Variants in STN1 observed in about 807,000 individuals in gnomAD.
The protein encoded by STN1 is CST complex subunit STN1.
Under a neutral mutation model 45.5 loss-of-function variants are expected in STN1, and 29 were observed. The ratio of observed to expected loss-of-function variants is 0.64; its 90% CI spans 0.47 to 0.87. STN1 has a LOEUF of 0.87. Ranked by LOEUF, STN1 falls within the 40% of genes least tolerant of loss-of-function variation. The probability of loss-of-function intolerance (pLI) is 0.00; values close to 1 mark genes in which losing one functional copy is unlikely to be tolerated. For missense variants in STN1, 376 were observed against 441.4 expected, an observed-to-expected ratio of 0.85 and a Z score of 1.33; for synonymous variants, 148 against 159.0, an observed-to-expected ratio of 0.93 and a Z score of 0.52.
intron 3 of STN1, among the ~76,000 whole-genome samples, chr10:103,905,413 A>T (rs1843234418): frequency 6.6e-6 from 1 of 152,232 alleles, no homozygotes; most frequent in African/African-American, 2.4e-5. Context: ...ACCTCAAGGT[A>T]CTAACGATTA....
chr10:103,881,457 C>T lies in STN1; in HGVS notation c.*1227G>A, dbSNP rs1843068200. On this transcript the variant is annotated 3_prime_UTR_variant, in exon 10 of 10. Coordinates refer to ENST00000224950, the MANE Select transcript of STN1 (RefSeq NM_024928.5). Reference sequence around the variant, plus strand: ...AGATGCAGGGCAGCCACTACATAATCACTGTTAGAAATCAGCAAAGGTTTG... The same window carrying T: ...AGATGCAGGGCAGCCACTACATAATTACTGTTAGAAATCAGCAAAGGTTTG... Among the ~76,000 whole-genome samples, 1 of 152,232 alleles carries T rather than the reference C, an allele frequency of 6.6e-6. No individual in the cohort carries two copies.
At chr10:103,883,121 G>C (rs1322224053) in intron 9 of STN1, among the ~76,000 whole-genome samples, 2 of 152,194 alleles carry the variant, frequency 1.3e-5, no homozygotes, top group African/African-American at 4.8e-5. Context: ...CTGTAACCTA[G>C]TGGATTTTTA....
At chr10:103,916,320 G>T (rs536299696) in intron 2 of STN1, among the ~76,000 whole-genome samples, 1 of 152,154 alleles carries the variant, frequency 6.6e-6, no homozygotes, top group Non-Finnish European at 1.5e-5. Flanking sequence ...CTAGAATTTG[G>T]TGTGAATTAA....
chr10:103,878,481 A>G lies in STN1; in HGVS notation c.*4203T>C, dbSNP rs1843045149. On this transcript the variant is annotated 3_prime_UTR_variant, in exon 10 of 10. Coordinates refer to ENST00000224950, the MANE Select transcript of STN1 (RefSeq NM_024928.5). ...GGGGTGGGGAGTGGGAAATAGCTTTATAATTTTTGTAGAAATTATATAAGG... is the reference window on the plus strand; with the variant it reads ...GGGGTGGGGAGTGGGAAATAGCTTTGTAATTTTTGTAGAAATTATATAAGG... 1 of 152,218 alleles carries G rather than the reference A, an allele frequency of 6.6e-6. No homozygotes were observed. Among genetic ancestry groups the G allele is most frequent in the African/African-American group, 2.4e-5 (1 of 41,454 alleles). The allele number at this position is 152,218 out of a possible 1,614,324, so 9.4% of individuals were successfully genotyped here. A position where few individuals can be genotyped will look rare whatever the true frequency, so the allele number is the denominator to read the frequency against.
At chr10:103,896,455 A>C (rs1275998402) in intron 7 of STN1, among the ~76,000 whole-genome samples, 1 of 152,222 alleles carries the variant, frequency 6.6e-6, no homozygotes, top group African/African-American at 2.4e-5. Context: ...TAAAGAAAGT[A>C]AATAAATGAG....
rs1017158857 is a variant in STN1, at chr10:103,882,008, C to A, written c.*676G>T. On this transcript the variant is annotated 3_prime_UTR_variant, in exon 10 of 10. Coordinates refer to ENST00000224950, the MANE Select transcript of STN1 (RefSeq NM_024928.5). ...ATTTAGTCATGCACCTCTGTAAGTG[C>A]AGGGAAATGTACTGGGACACCTTTC... is the stretch of plus-strand genomic sequence containing the variant. Among the ~76,000 whole-genome samples, 2 of 152,206 alleles carry A rather than the reference C, an allele frequency of 1.3e-5. No individual in the cohort carries two copies. Among genetic ancestry groups the A allele is most frequent in the African/African-American group, 4.8e-5 (2 of 41,446 alleles).
At chr10:103,910,498 A>C (rs747276284) in intron 3 of STN1, 29 bp downstream of exon 3, 2 of 1,466,112 alleles carry the variant, frequency 1.4e-6, no homozygotes, top group South Asian at 1.1e-5. Context: ...CTTCTACATC[A>C]ACTTCATTTC....
chr10:103,904,917 T>A (rs193190237), intron 4 of STN1, among the ~76,000 whole-genome samples, 174 bp downstream of exon 4: 1 of 152,330 alleles, frequency 6.6e-6, no homozygotes, highest in East Asian at 1.9e-4. Context: ...CTGGCTCTCC[T>A]ATGGCATCAG....
chr10:103,897,911 T>C (rs555177870), intron 6 of STN1, among the ~76,000 whole-genome samples, 192 bp from the exon 7 acceptor site: 1 of 152,220 alleles, frequency 6.6e-6, no homozygotes, highest in Middle Eastern at 3.4e-3. Context: ...GGAACTAAGA[T>C]ATTCATGACA....
At chr10:103,897,018 A>G (rs1357146134) in intron 7 of STN1, among the ~76,000 whole-genome samples, 1 of 152,178 alleles carries the variant, frequency 6.6e-6, no homozygotes, top group African/African-American at 2.4e-5. Flanking sequence ...TTCATCAGCA[A>G]AATGATTCGC....
At chr10:103,909,592 CATGTT>C (rs1283611576) in intron 3 of STN1, among the ~76,000 whole-genome samples, 1 of 149,022 alleles carries the variant, frequency 6.7e-6, no homozygotes, top group Non-Finnish European at 1.5e-5. Flanking sequence ...TTATTTTTCA[CATGTT>C]ATTTTATTAA....
intron 3 of STN1, 55 bp from the exon 4 acceptor site, chr10:103,905,211 A>G: frequency 6.9e-7 from 1 of 1,454,760 alleles, no homozygotes; most frequent in Non-Finnish European, 9.7e-7. Flanking sequence ...CTGGTGAATT[A>G]GCATGCTGTC....
rs1451413793 is a variant in STN1 at position 103,901,857 on chromosome 10, C to G, written c.296-1634G>C. Among the ~76,000 whole-genome samples the G allele has an allele frequency of 7.9e-5, 12 of 152,262 alleles. No individual in the cohort carries two copies. The East Asian group carries it at 2.3e-3, about 29-fold the overall frequency. On this transcript the variant is annotated intron_variant, in intron 4 of 9. Coordinates refer to ENST00000224950, the MANE Select transcript of STN1 (RefSeq NM_024928.5). ...TTGCCAGAAAAAAATGATCAAATCT[C>G]TCTGTTTTTAGACAACATTGTCAGT...
chr10:103,892,143 T>A lies in STN1; in HGVS notation c.863A>T (p.Asp288Val). The change falls in exon 8 of 10, where the codon GAT (aspartate) becomes GTT (valine). Residue 288 changes from aspartate (D) to valine (V), a missense_variant. Physicochemically the swap from Asp to Val is radical, Grantham distance 152 (BLOSUM62 -3). Transcript: ENST00000224950. The part of the protein sequence containing the change: ...GLVFQKDDGF[D>V]NLYYVTREDK... ...CAAGTGTCTTACATAGTATAGGTTA[T>A]CAAAACCATCATCTTTCTGGAAAAC... The A allele has an allele frequency of 6.2e-7, 1 of 1,609,894 alleles. No individual in the cohort carries two copies. Among genetic ancestry groups the A allele is most frequent in the South Asian group, 1.1e-5 (1 of 89,938 alleles).
chr10:103,900,701 C>A (rs1195086148), intron 4 of STN1, among the ~76,000 whole-genome samples: 1 of 148,996 alleles, frequency 6.7e-6, no homozygotes, highest in Non-Finnish European at 1.5e-5. Flanking sequence ...CTCTGTCTCT[C>A]TCTCTCTCTC....
rs1463459735 is a variant in STN1 at position 103,881,519 on chromosome 10, T to C, written c.*1165A>G. Among the ~76,000 whole-genome samples the C allele has an allele frequency of 1.3e-5, 2 of 152,228 alleles. No homozygotes were observed. Among genetic ancestry groups the C allele is most frequent in the Non-Finnish European group, 2.9e-5 (2 of 68,028 alleles). ...AAGTCTATGACAGGAGGCAATCTAC[T>C]GGTTCTAGCTCTCAGCCTGACGTAT... On this transcript the variant is annotated 3_prime_UTR_variant, in exon 10 of 10. Transcript: ENST00000224950.
chr10:103,884,565 G>C (rs10786774), intron 9 of STN1, among the ~76,000 whole-genome samples: 137,434 of 152,252 alleles, frequency 0.9, 62,140 homozygotes, highest in East Asian at 1. Context: ...CATGGCAGGC[G>C]CAGGCATGGT....
chr10:103,888,387 T>C (rs1023508169), intron 9 of STN1, among the ~76,000 whole-genome samples: 9 of 151,122 alleles, frequency 6.0e-5, no homozygotes, highest in Admixed American at 6.6e-5. Context: ...GACCGGTCAG[T>C]TTACATAGGA....
intron 7 of STN1, among the ~76,000 whole-genome samples, chr10:103,896,917 A>G (rs1843174805): frequency 6.6e-6 from 1 of 152,182 alleles, no homozygotes; most frequent in Non-Finnish European, 1.5e-5. Flanking sequence ...GTAGGTTGTT[A>G]GTATTCATTG....
Sources: allele counts gnomAD v4.1 joint callset (sites outside exome capture counted in the v4.1 genomes callset), GRCh38; gene constraint gnomAD v4.1.1; transcripts MANE v1.5; gene names NCBI Gene and HGNC (gene_info 2026-07-23, HGNC 2026-07-21).